FRZB: variants seen among roughly 807,000 people sequenced by gnomAD.
FRZB encodes the protein frizzled related protein.
A neutral mutation model predicts 32.5 loss-of-function variants in FRZB; 34 were observed. The ratio of observed to expected loss-of-function variants is 1.05; its 90% CI spans 0.80 to 1.39. The LOEUF (loss-of-function observed/expected upper bound fraction) is 1.39. FRZB is among the 40% of genes most tolerant of loss of function. The pLI is 0.00. For missense variants in FRZB, 423 were observed against 424.8 expected, an observed-to-expected ratio of 1.00 and a Z score of 0.04; for synonymous variants, 170 against 159.2, an observed-to-expected ratio of 1.07 and a Z score of -0.51.
At position 182,833,752 on chromosome 2, in the gene FRZB, A is replaced by T. The variant is rs1001783103; in HGVS notation, c.*1097T>A. On this transcript the variant is annotated 3_prime_UTR_variant, in exon 6 of 6. Transcript: ENST00000295113. Reference sequence around the variant, plus strand: ...TTAAGCAGCACAAATCCAAATGATAAAGTGCAGGCCAGTTTGCAGGCCTGT... The same window carrying T: ...TTAAGCAGCACAAATCCAAATGATATAGTGCAGGCCAGTTTGCAGGCCTGT... 6.6e-6 allele frequency: 1 copy of T among 152,152 alleles called. No individual in the cohort carries two copies. Among genetic ancestry groups the T allele is most frequent in the Non-Finnish European group, 1.5e-5 (1 of 68,014 alleles). The allele number at this position is 152,152 out of a possible 1,614,324, so 9.4% of individuals were successfully genotyped here. A position where few individuals can be genotyped will look rare whatever the true frequency, so the allele number is the denominator to read the frequency against.
At chr2:182,863,786 T>C (rs1559052457) in intron 1 of FRZB, among the ~76,000 whole-genome samples, 1 of 152,206 alleles carries the variant, frequency 6.6e-6, no homozygotes, top group Non-Finnish European at 1.5e-5. Context: ...AGTTCCTAAG[T>C]AATTCCAGGT....
Position 182,853,420 on chromosome 2 carries a change from T to C in FRZB, c.526+5366A>G, listed in dbSNP as rs1695731379. 7.2e-5 allele frequency among the ~76,000 whole-genome samples: 11 copies of C among 152,290 alleles called. No homozygotes were observed. The South Asian group carries it at 2.3e-3, about 32-fold the overall frequency. On this transcript the variant is annotated intron_variant, in intron 2 of 5. Coordinates refer to ENST00000295113, the MANE Select transcript of FRZB (RefSeq NM_001463.4). ...TTTTGACCCACCAATTGCAGTTTTA[T>C]ACAAATGAGCTTTTCAGTTCGGGTT...
At chr2:182,862,308 G>A (rs559030803) in intron 1 of FRZB, among the ~76,000 whole-genome samples, 18 of 152,302 alleles carry the variant, frequency 1.2e-4, no homozygotes, top group Admixed American at 2.6e-4. Context: ...CCCTTGGCAC[G>A]GCAAACTGTA....
intron 2 of FRZB, among the ~76,000 whole-genome samples, chr2:182,856,536 T>C (rs759261690): frequency 6.6e-6 from 1 of 152,022 alleles, no homozygotes; most frequent in Non-Finnish European, 1.5e-5. Flanking sequence ...ATCAACAGTA[T>C]GGATTTTTTT....
At chr2:182,842,368 G>A (rs1695595801) in intron 3 of FRZB, 110 bp downstream of exon 3, 1 of 783,512 alleles carries the variant, frequency 1.3e-6, no homozygotes, top group South Asian at 1.6e-5. Flanking sequence ...CTGTTTTTAA[G>A]CCTTATTCTT....
intron 2 of FRZB, among the ~76,000 whole-genome samples, chr2:182,843,675 C>T (rs778835581): frequency 6.6e-6 from 1 of 152,108 alleles, no homozygotes; most frequent in Non-Finnish European, 1.5e-5. Context: ...TCCCAGCACT[C>T]ACTTTGGGAG....
chr2:182,840,305 A>G (rs1033350965), intron 3 of FRZB, among the ~76,000 whole-genome samples: 1 of 152,132 alleles, frequency 6.6e-6, no homozygotes, highest in Non-Finnish European at 1.5e-5. Flanking sequence ...GCTTAAGTGA[A>G]CGTGCTTCAT....
Position 182,833,931 on chromosome 2 carries a change from C to A in FRZB, c.*918G>T, listed in dbSNP as rs529736746. 6.6e-6 allele frequency: 1 copy of A among 152,008 alleles called. No individual in the cohort carries two copies. The highest frequency in any genetic ancestry group is 2.1e-4 in the South Asian group (1 of 4,814). The allele number at this position is 152,008 out of a possible 1,614,324, so 9.4% of individuals were successfully genotyped here. A position where few individuals can be genotyped will look rare whatever the true frequency, so the allele number is the denominator to read the frequency against. On this transcript the variant is annotated 3_prime_UTR_variant, in exon 6 of 6. Coordinates refer to ENST00000295113, the MANE Select transcript of FRZB (RefSeq NM_001463.4). Reference sequence around the variant, plus strand: ...GGAGCCATGTACTTTTAAAAACTAACCCTGGTGCACGTGCATACATAATCT... The same window carrying A: ...GGAGCCATGTACTTTTAAAAACTAAACCTGGTGCACGTGCATACATAATCT...
chr2:182,852,185 A>T (rs1695717291), intron 2 of FRZB, among the ~76,000 whole-genome samples: 1 of 152,224 alleles, frequency 6.6e-6, no homozygotes, highest in South Asian at 2.1e-4. Flanking sequence ...GGAGGAAAGA[A>T]GTGTAATAGA....
intron 1 of FRZB, among the ~76,000 whole-genome samples, chr2:182,865,295 T>C (rs1035493724): frequency 2.6e-5 from 4 of 152,204 alleles, no homozygotes; most frequent in Admixed American, 2.6e-4. Flanking sequence ...TCCTTTCATC[T>C]GTATGCCACT....
intron 2 of FRZB, among the ~76,000 whole-genome samples, chr2:182,848,952 G>T (rs1695678113): frequency 1.3e-5 from 2 of 152,150 alleles, no homozygotes; most frequent in Non-Finnish European, 2.9e-5. Flanking sequence ...TTAGGCCGGG[G>T]TGCGGTGGCT....
Position 182,866,108 on chromosome 2 carries a change from A to G in FRZB, c.445T>C (p.Ser149Pro). ...TCCGCAGTAACGATGGCCTCGGGAG[A>G]GATGCACACGCCCCTGTCGTACACT... ...LPVYDRGVCISPEAIVTADGA... is the reference protein window; with the variant it reads ...LPVYDRGVCIPPEAIVTADGA... Residue 149 changes from serine (S) to proline (P), a missense_variant, in exon 1 of 6, where the codon TCT becomes CCT. Coordinates refer to ENST00000295113, the MANE Select transcript of FRZB (RefSeq NM_001463.4). This position sits in a 1 kb window ranked among gnomAD's most constrained non-coding sequence, Gnocchi z 4.5. The G allele has an allele frequency of 6.2e-7, 1 of 1,613,688 alleles. No homozygotes were observed. Among genetic ancestry groups the G allele is most frequent in the South Asian group, 1.1e-5 (1 of 91,036 alleles).
In FRZB at chr2:182,833,386, G is replaced by T. The variant is rs771942767; in HGVS notation, c.*1463C>A. Reference sequence around the variant, plus strand: ...TGAAACTTTCAAGTAATTGGCACAGGCTCTAAGGAACTCTGCCAGAGGAAG... The same window carrying T: ...TGAAACTTTCAAGTAATTGGCACAGTCTCTAAGGAACTCTGCCAGAGGAAG... On this transcript the variant is annotated 3_prime_UTR_variant, in exon 6 of 6. Transcript: ENST00000295113. The T allele has an allele frequency of 2.0e-5, 3 of 152,158 alleles. No individual in the cohort carries two copies. The highest frequency in any genetic ancestry group is 4.4e-5 in the Non-Finnish European group (3 of 68,042). The allele number at this position is 152,158 out of a possible 1,614,324, so 9.4% of individuals were successfully genotyped here. A position where few individuals can be genotyped will look rare whatever the true frequency, so the allele number is the denominator to read the frequency against.
At chr2:182,856,970 A>G in intron 2 of FRZB, among the ~76,000 whole-genome samples, 1 of 152,192 alleles carries the variant, frequency 6.6e-6, no homozygotes, top group East Asian at 1.9e-4. Context: ...AATTGAATTG[A>G]CATTTAAAGG....
intron 2 of FRZB, among the ~76,000 whole-genome samples, chr2:182,854,268 C>G (rs2105760860): frequency 6.6e-6 from 1 of 152,244 alleles, no homozygotes; most frequent in Non-Finnish European, 1.5e-5. Context: ...GCATGTTATA[C>G]TTTAATGGTT....
Position 182,833,517 on chromosome 2 carries a change from C to G in FRZB, c.*1332G>C, listed in dbSNP as rs939395927. On this transcript the variant is annotated 3_prime_UTR_variant, in exon 6 of 6. Coordinates refer to ENST00000295113, the MANE Select transcript of FRZB (RefSeq NM_001463.4). ...TGCATTGGGTTACATCCTGATAAAC[C>G]CATTGTAAGTCAACAAATTGTTAAA... is the stretch of plus-strand genomic sequence containing the variant. 4 of 152,014 alleles carry G rather than the reference C, an allele frequency of 2.6e-5. No homozygotes were observed. The highest frequency in any genetic ancestry group is 9.7e-5 in the African/African-American group (4 of 41,396). 9.4% of individuals were successfully genotyped at this position (152,014 alleles called of 1,614,324 possible).
chr2:182,841,772 A>C (rs907509360), intron 3 of FRZB, among the ~76,000 whole-genome samples: 6 of 152,160 alleles, frequency 3.9e-5, no homozygotes, highest in Non-Finnish European at 8.8e-5. Flanking sequence ...AATCATTGAT[A>C]AAATCAAGAT....
chr2:182,835,209 T>G (rs1192501739), intron 5 of FRZB, among the ~76,000 whole-genome samples: 1 of 152,114 alleles, frequency 6.6e-6, no homozygotes, highest in Non-Finnish European at 1.5e-5. Context: ...AACCTTAAAC[T>G]TAAAATGTCC....
At chr2:182,860,356 T>C (rs1695817548) in intron 1 of FRZB, among the ~76,000 whole-genome samples, 1 of 152,044 alleles carries the variant, frequency 6.6e-6, no homozygotes, top group African/African-American at 2.4e-5. Flanking sequence ...AAGCAAAAGA[T>C]TTGCATTTCA....
Sources: allele counts gnomAD v4.1 joint callset (sites outside exome capture counted in the v4.1 genomes callset), GRCh38; gene constraint gnomAD v4.1.1; non-coding constraint Gnocchi (gnomAD v3.1); transcripts MANE v1.5; gene names NCBI Gene and HGNC (gene_info 2026-07-23, HGNC 2026-07-21).